PROSER3: variants seen among roughly 807,000 people sequenced by gnomAD.
PROSER3 encodes the protein proline and serine rich 3, also known as proline and serine-rich protein 3.
Under a neutral mutation model 50.2 loss-of-function variants are expected in PROSER3, and 33 were observed. That is an observed-to-expected ratio of 0.66 (90% CI 0.50 to 0.88). The LOEUF (loss-of-function observed/expected upper bound fraction) is 0.88, where lower values mean the gene tolerates loss of function less well. Among genes scored for constraint, PROSER3 ranks in the 40% least tolerant of loss-of-function variants. PROSER3 has a pLI of 0.00. For missense variants in PROSER3, 623 were observed against 612.7 expected, an observed-to-expected ratio of 1.02 and a Z score of -0.18; for synonymous variants, 266 against 259.3, an observed-to-expected ratio of 1.03 and a Z score of -0.25.
chr19:35,760,723 G>A (rs989803500), intron 3 of PROSER3, among the ~76,000 whole-genome samples: 9 of 152,146 alleles, frequency 5.9e-5, no homozygotes, highest in Non-Finnish European at 1.2e-4. Context: ...CTGACCTCAG[G>A]TGATCCACCT....
chr19:35,770,142 A>G (rs1324799246), downstream of PROSER3, among the ~76,000 whole-genome samples: 1 of 151,612 alleles, frequency 6.6e-6, no homozygotes, highest in African/African-American at 2.4e-5. Flanking sequence ...TGACCTCGTG[A>G]TCCTCCTGCC....
intron 1 of PROSER3, 143 bp from the exon 2 acceptor site, chr19:35,759,231 T>A (rs568392418): frequency 1.5e-6 from 1 of 685,882 alleles, no homozygotes. Flanking sequence ...ATATCCTGAA[T>A]GTGCAACGGT....
At chr19:35,767,107 G>A in intron 8 of PROSER3, 10 of 1,044,298 alleles carry the variant, frequency 9.6e-6, no homozygotes, top group Non-Finnish European at 1.1e-5. Context: ...TCAGTTCTCT[G>A]GGGACCCAGC....
exon 3 of PROSER3, chr19:35,759,818 C>A: frequency 1.3e-6 from 2 of 1,569,038 alleles, no homozygotes; most frequent in Non-Finnish European, 1.7e-6. Context: ...CTCAGAGATC[C>A]AGGCTCCCAC....
At chr19:35,770,178 C>T (rs1971293785), downstream of PROSER3, among the ~76,000 whole-genome samples, 1 of 152,156 alleles carries the variant, frequency 6.6e-6, no homozygotes, top group African/African-American at 2.4e-5. Context: ...GCTGGGATTA[C>T]AGGCATGAGC....
exon 3 of PROSER3, chr19:35,759,855 C>T (rs1342311266): frequency 6.3e-7 from 1 of 1,580,644 alleles, no homozygotes; most frequent in African/African-American, 1.4e-5. Flanking sequence ...AGCCACAGGT[C>T]CCAACTCCCC....
chr19:35,764,215 C>T (rs1004722022), intron 5 of PROSER3, among the ~76,000 whole-genome samples: 1 of 152,120 alleles, frequency 6.6e-6, no homozygotes, highest in African/African-American at 2.4e-5. Context: ...GGGGGCTTTT[C>T]GAATTGCTCC....
At chr19:35,770,161 C>T (rs1362920081), downstream of PROSER3, among the ~76,000 whole-genome samples, 1 of 152,016 alleles carries the variant, frequency 6.6e-6, no homozygotes, top group African/African-American at 2.4e-5. Flanking sequence ...CCTCAGCCTC[C>T]CAAAGCGCTG....
exon 3 of PROSER3, chr19:35,759,824 C>G: frequency 6.4e-7 from 1 of 1,570,986 alleles, no homozygotes; most frequent in South Asian, 1.2e-5. Context: ...GATCCAGGCT[C>G]CCACAAGCTC....
chr19:35,762,768 T>C (rs1176527614), intron 5 of PROSER3: 1 of 146,030 alleles, frequency 6.8e-6, no homozygotes, highest in Non-Finnish European at 1.5e-5. Flanking sequence ...GCACCGTGGC[T>C]CATGCCTATA....
At chr19:35,761,919 G>A in intron 3 of PROSER3, 100 bp from the exon 4 acceptor site, 2 of 1,327,868 alleles carry the variant, frequency 1.5e-6, no homozygotes, top group Non-Finnish European at 2.0e-6. Context: ...TAGCTACCAG[G>A]CTCTGCCATG....
At chr19:35,765,215 G>T in intron 7 of PROSER3, 39 bp downstream of exon 7, 1 of 1,596,800 alleles carries the variant, frequency 6.3e-7, no homozygotes. Context: ...CAGCCTGGGT[G>T]CAAATCCCAA....
chr19:35,767,445 G>A (rs1031258117), intron 8 of PROSER3: 8 of 281,062 alleles, frequency 2.8e-5, no homozygotes, highest in Non-Finnish European at 5.2e-5. Flanking sequence ...CCCCTGGCCT[G>A]TACCCCTGCA....
intron 5 of PROSER3, among the ~76,000 whole-genome samples, chr19:35,764,003 G>A (rs1971054688): frequency 6.6e-6 from 1 of 150,418 alleles, no homozygotes; most frequent in Non-Finnish European, 1.5e-5. Flanking sequence ...GTCGAGGCTG[G>A]TCTCGAAGTC....
At chr19:35,765,458 T>C (rs1971112415) in intron 7 of PROSER3, among the ~76,000 whole-genome samples, 1 of 147,048 alleles carries the variant, frequency 6.8e-6, no homozygotes, top group Non-Finnish European at 1.5e-5. Flanking sequence ...TGCATGCCTG[T>C]AGTCTTAGCT....
intron 10 of PROSER3, 76 bp from the exon 11 acceptor site, chr19:35,768,328 C>T: frequency 1.9e-6 from 3 of 1,579,504 alleles, no homozygotes; most frequent in Non-Finnish European, 2.6e-6. Flanking sequence ...ATCCCCTGTC[C>T]CAGCAGTCCG....
At chr19:35,762,072 C>A in exon 4 of PROSER3, 1 of 1,611,794 alleles carries the variant, frequency 6.2e-7, no homozygotes, top group Non-Finnish European at 8.5e-7. Context: ...GAGCGCCAGC[C>A]TGCAGGCCCA....
intron 5 of PROSER3, among the ~76,000 whole-genome samples, chr19:35,764,495 A>G (rs2146600495): frequency 6.6e-6 from 1 of 152,186 alleles, no homozygotes; most frequent in African/African-American, 2.4e-5. Context: ...TGTCTCTACT[A>G]AAAATACAAA....
chr19:35,765,001 C>T (rs754513936), intron 6 of PROSER3, 33 bp from the exon 7 acceptor site: 2 of 1,612,714 alleles, frequency 1.2e-6, no homozygotes, highest in South Asian at 1.1e-5. Flanking sequence ...GTCTCGAGAC[C>T]TCCATTGCCT....
Sources: gnomAD v4.1 joint callset for allele counts (sites outside exome capture counted in the v4.1 genomes callset) on GRCh38, gnomAD v4.1.1 for gene constraint, MANE v1.5 for transcripts, NCBI Gene and HGNC (gene_info 2026-07-23, HGNC 2026-07-21) for gene names.